Variants in ZNF749 observed in about 807,000 individuals in gnomAD.
The protein encoded by ZNF749 is zinc finger protein 749.
ZNF749 carries 8 observed loss-of-function variants against 7.3 expected under a neutral mutation model. That is an observed-to-expected ratio of 1.10 (90% CI 0.64 to 1.98). ZNF749 has a LOEUF of 1.98. Among genes scored for constraint, ZNF749 ranks in the 30% most tolerant of loss-of-function variants. The pLI, the probability that ZNF749 is intolerant of heterozygous loss-of-function variation, is 0.00. For synonymous variants in ZNF749, 310 were observed against 322.4 expected, an observed-to-expected ratio of 0.96 and a Z score of 0.41; for missense variants, 898 against 932.4, an observed-to-expected ratio of 0.96 and a Z score of 0.48.
Position 57,445,523 on chromosome 19 carries a change from C to G in ZNF749, c.*38C>G, listed in dbSNP as rs1420561597. The G allele has an allele frequency of 2.6e-6, 4 of 1,561,980 alleles. No homozygotes were observed. Among genetic ancestry groups the G allele is most frequent in the Non-Finnish European group, 3.5e-6 (4 of 1,156,528 alleles). On this transcript the variant is annotated 3_prime_UTR_variant, in exon 3 of 3. Transcript: ENST00000334181. ...AGGAAAGTCACCAAAACTGTCACCT[C>G]ATTCAGCACCAAAAGGTTCACATCG... is the stretch of plus-strand genomic sequence containing the variant.
At chr19:57,431,876 G>T (rs1456975516), upstream of ZNF749, among the ~76,000 whole-genome samples, 1 of 152,076 alleles carries the variant, frequency 6.6e-6, no homozygotes, top group African/African-American at 2.4e-5. Flanking sequence ...AGGCTGAAGT[G>T]CAATGGCGTG....
chr19:57,441,480 TGCTGCACCAG>T (rs1304175193), intron 1 of ZNF749, among the ~76,000 whole-genome samples: 1 of 152,118 alleles, frequency 6.6e-6, no homozygotes, highest in Non-Finnish European at 1.5e-5. Context: ...GGGAATGCCG[TGCTGCACCAG>T]GCCACGGGAA....
In ZNF749 at chr19:57,442,465, G is replaced by A. The variant is rs774379453; in HGVS notation, c.142+454G>A. Among the ~76,000 whole-genome samples the A allele has an allele frequency of 2.0e-5, 3 of 152,166 alleles. No individual in the cohort carries two copies. Among genetic ancestry groups the A allele is most frequent in the Non-Finnish European group, 2.9e-5 (2 of 68,032 alleles). The stretch of plus-strand genomic sequence containing the variant: ...GCAGGACGCTCTACTGGGTGTTCTG[G>A]TAGCTTTAGAATGCAGCATGTCCTG... On this transcript the variant is annotated intron_variant, in intron 2 of 2. Coordinates refer to ENST00000334181, the MANE Select transcript of ZNF749 (RefSeq NM_001023561.4). The surrounding 1 kb of genome is among the most constrained non-coding windows in gnomAD (Gnocchi z 6.6).
Position 57,445,556 on chromosome 19 carries a change from AACCTAT to A in ZNF749, c.*72_*77del. 2 of 1,525,556 alleles carry A rather than the reference AACCTAT, an allele frequency of 1.3e-6. No individual in the cohort carries two copies. The highest frequency in any genetic ancestry group is 2.7e-5 in the South Asian group (2 of 74,404). The allele number at this position is 1,525,556 out of a possible 1,614,324, so 94.5% of individuals were successfully genotyped here. ...ACCAAAAGGTTCACATCGGACCAAG[AACCTAT>A]TAATATATGTAAATCTAATGTTGAA... is the stretch of plus-strand genomic sequence containing the variant. On this transcript the variant is annotated 3_prime_UTR_variant, in exon 3 of 3. Transcript: ENST00000334181.
chr19:57,444,404 T>A lies in ZNF749; in HGVS notation c.1256T>A (p.Phe419Tyr). 6.2e-7 allele frequency: 1 copy of A among 1,614,100 alleles called. No individual in the cohort carries two copies. The highest frequency in any genetic ancestry group is 8.5e-7 in the Non-Finnish European group (1 of 1,179,944). ...LYKCSECGKA[F>Y]SLKHNVVQHL... is the part of the protein sequence containing the mutation. ...AAGTGTAGCGAATGTGGGAAAGCCT[T>A]TAGCCTCAAACATAATGTTGTTCAG... The change falls in exon 3 of 3, where the codon TTT becomes TAT. Residue 419 changes from phenylalanine to tyrosine, a missense_variant. Phe to Tyr is a conservative substitution (Grantham distance 22). Coordinates refer to ENST00000334181, the MANE Select transcript of ZNF749 (RefSeq NM_001023561.4).
At position 57,444,767 on chromosome 19, in the gene ZNF749, G is replaced by T; in HGVS notation, c.1619G>T (p.Arg540Met). ...EKIHTDAFSK[R>M]SDLIQHKRID... ...ATCCACACTGATGCATTTTCAAAAA[G>T]GTCTGACCTCATTCAACACAAGAGG... Residue 540 changes from arginine to methionine, a missense_variant, in exon 3 of 3, where the codon AGG becomes ATG. Transcript: ENST00000334181. 6.2e-7 allele frequency: 1 copy of T among 1,613,738 alleles called. No individual in the cohort carries two copies. The highest frequency in any genetic ancestry group is 8.5e-7 in the Non-Finnish European group (1 of 1,179,856).
chr19:57,445,261 T>A lies in ZNF749; in HGVS notation c.2113T>A (p.Phe705Ile). 6.2e-7 allele frequency: 1 copy of A among 1,613,994 alleles called. No homozygotes were observed. The highest frequency in any genetic ancestry group is 1.7e-5 in the Admixed American group (1 of 60,022). ...PHECSKCREL[F>I]RTKSSLIIHQ... ...TGAGTGCAGTAAATGTAGGGAATTGTTTAGGACTAAATCGAGCCTTATTAT... is the reference window on the plus strand; with the variant it reads ...TGAGTGCAGTAAATGTAGGGAATTGATTAGGACTAAATCGAGCCTTATTAT... The change falls in exon 3 of 3, where the codon TTT (phenylalanine) becomes ATT (isoleucine). Residue 705 changes from phenylalanine (F) to isoleucine (I), a missense_variant. Transcript: ENST00000334181.
In ZNF749 at chr19:57,443,900, C is replaced by T; in HGVS notation, c.752C>T (p.Pro251Leu). ...KYQQNHAGER[P>L]YEGTEYGKTF... ...CAGCAAAATCATGCTGGAGAAAGGC[C>T]TTATGAGGGCACTGAATATGGAAAG... The change falls in exon 3 of 3, where the codon CCT (proline) becomes CTT (leucine). Residue 251 changes from proline (P) to leucine (L), a missense_variant. Physicochemically the swap from Pro to Leu is moderately conservative, Grantham distance 98. Transcript: ENST00000334181. 1 of 1,613,906 alleles carries T rather than the reference C, an allele frequency of 6.2e-7. No homozygotes were observed. Among genetic ancestry groups the T allele is most frequent in the Non-Finnish European group, 8.5e-7 (1 of 1,179,892 alleles).
intron 1 of ZNF749, among the ~76,000 whole-genome samples, chr19:57,437,059 G>C (rs2088942381): frequency 6.6e-6 from 1 of 151,960 alleles, no homozygotes; most frequent in Admixed American, 6.6e-5. Context: ...GTTAAAATAA[G>C]ATAAGTTTTT....
rs926557486 is a variant in ZNF749 at position 57,442,916 on chromosome 19, C to A, written c.143-375C>A. On this transcript the variant is annotated intron_variant, in intron 2 of 2. Transcript: ENST00000334181. The surrounding 1 kb of genome is among the most constrained non-coding windows in gnomAD (Gnocchi z 6.6). ...AGTGCTGTCTAATGTATGACCTGTA[C>A]TTTAGGTGTTATGAGGTCTGCGTGT... Among the ~76,000 whole-genome samples the A allele has an allele frequency of 6.6e-6, 1 of 152,146 alleles. No homozygotes were observed. The highest frequency in any genetic ancestry group is 1.9e-4 in the East Asian group (1 of 5,192).
In ZNF749 at chr19:57,446,467, C is replaced by G. The variant is rs969417653; in HGVS notation, c.*982C>G. Among the ~76,000 whole-genome samples the G allele has an allele frequency of 3.3e-5, 5 of 152,188 alleles. No homozygotes were observed. Among genetic ancestry groups the G allele is most frequent in the African/African-American group, 9.7e-5 (4 of 41,442 alleles). On this transcript the variant is annotated 3_prime_UTR_variant, in exon 3 of 3. Coordinates refer to ENST00000334181, the MANE Select transcript of ZNF749 (RefSeq NM_001023561.4). ...CTACGCCAACCAGCCCCTGACAATA[C>G]TACTGTATGAATTTTACTATAAATA...
At chr19:57,430,725 T>C (rs2088894996), upstream of ZNF749, among the ~76,000 whole-genome samples, 1 of 151,988 alleles carries the variant, frequency 6.6e-6, no homozygotes, top group Admixed American at 6.6e-5. Flanking sequence ...GGGCAAAGGA[T>C]AGAAGAGGGA....
chr19:57,442,608 G>A lies in ZNF749; in HGVS notation c.142+597G>A, dbSNP rs760586129. Among the ~76,000 whole-genome samples the A allele has an allele frequency of 2.0e-5, 3 of 152,150 alleles. No individual in the cohort carries two copies. The highest frequency in any genetic ancestry group is 4.4e-5 in the Non-Finnish European group (3 of 68,034). On this transcript the variant is annotated intron_variant, in intron 2 of 2. Transcript: ENST00000334181. This position sits in a 1 kb window ranked among gnomAD's most constrained non-coding sequence, Gnocchi z 6.6. ...GCAAGGGGGAGGTCTCTGGGTGCCT[G>A]GCAGAGTGGATAGTCCTCTATTAAT...
At position 57,445,234 on chromosome 19, in the gene ZNF749, C is replaced by G; in HGVS notation, c.2086C>G (p.His696Asp). 1 of 1,613,952 alleles carries G rather than the reference C, an allele frequency of 6.2e-7. No homozygotes were observed. The highest frequency in any genetic ancestry group is 8.5e-7 in the Non-Finnish European group (1 of 1,179,888). ...HHKVCTGEKP[H>D]ECSKCRELFR... is the part of the protein sequence containing the mutation. ...TAAAGTTTGCACTGGGGAGAAGCCT[C>G]ATGAGTGCAGTAAATGTAGGGAATT... Residue 696 changes from histidine (H) to aspartate (D), a missense_variant, in exon 3 of 3, where the codon CAT becomes GAT. His to Asp is a moderately conservative substitution (Grantham distance 81, BLOSUM62 -1). Coordinates refer to ENST00000334181, the MANE Select transcript of ZNF749 (RefSeq NM_001023561.4).
Position 57,442,255 on chromosome 19 carries a change from C to G in ZNF749, c.142+244C>G, listed in dbSNP as rs1292961425. On this transcript the variant is annotated intron_variant, in intron 2 of 2. Transcript: ENST00000334181. The surrounding 1 kb of genome is among the most constrained non-coding windows in gnomAD (Gnocchi z 6.6). ...ATAAGGCTCGGAAGTCAGAAATCTT[C>G]AGGTTTCTTTAAGATATCCTAATGG... Among the ~76,000 whole-genome samples, 1 of 152,168 alleles carries G rather than the reference C, an allele frequency of 6.6e-6. No individual in the cohort carries two copies. Among genetic ancestry groups the G allele is most frequent in the African/African-American group, 2.4e-5 (1 of 41,444 alleles).
rs558573425 is a variant in ZNF749 at position 57,442,612 on chromosome 19, G to T, written c.142+601G>T. 6.6e-6 allele frequency among the ~76,000 whole-genome samples: 1 copy of T among 152,292 alleles called. No homozygotes were observed. Among genetic ancestry groups the T allele is most frequent in the East Asian group, 1.9e-4 (1 of 5,174 alleles). On this transcript the variant is annotated intron_variant, in intron 2 of 2. Transcript: ENST00000334181. The surrounding 1 kb of genome is among the most constrained non-coding windows in gnomAD (Gnocchi z 6.6). ...GGGGGAGGTCTCTGGGTGCCTGGCA[G>T]AGTGGATAGTCCTCTATTAATGGCA...
intron 1 of ZNF749, among the ~76,000 whole-genome samples, chr19:57,437,474 C>T (rs545932896): frequency 6.6e-6 from 1 of 152,028 alleles, no homozygotes; most frequent in Non-Finnish European, 1.5e-5. Context: ...GCCTGTAATC[C>T]CAGCACTTTG....
chr19:57,441,837 C>T, intron 1 of ZNF749, 48 bp from the exon 2 acceptor site: 1 of 1,609,528 alleles, frequency 6.2e-7, no homozygotes, highest in Non-Finnish European at 8.5e-7. Context: ...TCTAAGGAAA[C>T]ACAGAATAAG....
rs371975204 is a variant in ZNF749, at chr19:57,443,777, G to T, written c.629G>T (p.Gly210Val). Residue 210 changes from glycine to valine, a missense_variant, in exon 3 of 3, where the codon GGG (glycine) becomes GTG (valine). Transcript: ENST00000334181. ...GGGAAAGACTTTTGCCACCAACATG[G>T]GCTGTTTGAGCACCAAAAAACCCAT... ...QGGKDFCHQH[G>V]LFEHQKTHNG... The T allele has an allele frequency of 6.2e-7, 1 of 1,614,148 alleles. No homozygotes were observed. Among genetic ancestry groups the T allele is most frequent in the African/African-American group, 1.3e-5 (1 of 75,000 alleles).
Sources: allele counts gnomAD v4.1 joint callset (sites outside exome capture counted in the v4.1 genomes callset), GRCh38; gene constraint gnomAD v4.1.1; non-coding constraint Gnocchi (gnomAD v3.1); transcripts MANE v1.5; gene names NCBI Gene and HGNC (gene_info 2026-07-23, HGNC 2026-07-21).